The following SGCZ variants were observed in gnomAD, a reference collection of about 807,000 sequenced individuals.
The protein encoded by SGCZ is sarcoglycan zeta.
SGCZ carries 40 observed loss-of-function variants against 41.3 expected under a neutral mutation model. That is an observed-to-expected ratio of 0.97 (90% CI 0.75 to 1.26). The LOEUF (loss-of-function observed/expected upper bound fraction) is 1.26. SGCZ is among the 50% of genes most tolerant of loss of function. The probability of loss-of-function intolerance (pLI) is 0.00; values close to 1 mark genes in which losing one functional copy is unlikely to be tolerated. For synonymous variants in SGCZ, 206 were observed against 137.5 expected (o/e 1.50, Z -3.49); for missense variants, 552 against 369.8 (o/e 1.49, Z -4.04).
chr8:14,411,601 G>A (rs982210331), intron 2 of SGCZ, among the ~76,000 whole-genome samples: 1 of 152,040 alleles, frequency 6.6e-6, no homozygotes, highest in African/African-American at 2.4e-5. Flanking sequence ...GGCTTTCTGA[G>A]GGTATGAGCC....
intron 1 of SGCZ, among the ~76,000 whole-genome samples, chr8:14,638,023 GT>G (rs113661384): frequency 2.4e-4 from 37 of 151,850 alleles, no homozygotes; most frequent in African/African-American, 8.4e-4. Flanking sequence ...CTAGTCTGAG[GT>G]TATATTTCAT....
At chr8:14,547,076 C>G (rs376060934) in intron 2 of SGCZ, among the ~76,000 whole-genome samples, 9 of 152,070 alleles carry the variant, frequency 5.9e-5, no homozygotes, top group African/African-American at 2.2e-4. Flanking sequence ...ACTTTCCTCT[C>G]ATATTTAAAT....
intron 2 of SGCZ, among the ~76,000 whole-genome samples, chr8:14,451,436 T>G (rs1177569254): frequency 2.6e-5 from 4 of 152,188 alleles, no homozygotes; most frequent in African/African-American, 2.4e-5. Flanking sequence ...GGTCTCCTTA[T>G]AGTTTACATT....
At chr8:14,605,118 G>T (rs1005480364) in intron 1 of SGCZ, among the ~76,000 whole-genome samples, 2 of 152,038 alleles carry the variant, frequency 1.3e-5, no homozygotes, top group African/African-American at 4.8e-5. Context: ...TTGTTAAAAG[G>T]GTTCAGCAGA....
intron 1 of SGCZ, among the ~76,000 whole-genome samples, chr8:14,629,352 GTAAAATACATTATCTAAATA>G (rs1806569960): frequency 3.1e-5 from 2 of 65,062 alleles, no homozygotes; most frequent in Non-Finnish European, 6.9e-5. Flanking sequence ...TAAGATTAAT[GTAAAATACATTATCTAAATA>G]ATGTAAAAAT....
intron 2 of SGCZ, among the ~76,000 whole-genome samples, chr8:14,541,611 T>C (rs1156342828): frequency 6.6e-6 from 1 of 152,174 alleles, no homozygotes; most frequent in Non-Finnish European, 1.5e-5. Context: ...TGTGTCTTTA[T>C]AGTAGAATAA....
chr8:14,152,092 T>A (rs1348797716), intron 5 of SGCZ, among the ~76,000 whole-genome samples: 1 of 152,042 alleles, frequency 6.6e-6, no homozygotes, highest in Non-Finnish European at 1.5e-5. Flanking sequence ...ATCTCAAAAA[T>A]ATTAAAAATT....
At chr8:15,177,830 C>T (rs939431401) in intron 1 of SGCZ, among the ~76,000 whole-genome samples, 1 of 152,146 alleles carries the variant, frequency 6.6e-6, no homozygotes, top group East Asian at 1.9e-4. Flanking sequence ...CTTTCATGGG[C>T]GCCTCTGTCC....
At chr8:14,819,202 G>A (rs1266754736) in intron 1 of SGCZ, among the ~76,000 whole-genome samples, 2 of 151,882 alleles carry the variant, frequency 1.3e-5, no homozygotes, top group Non-Finnish European at 2.9e-5. Context: ...TCACATATAA[G>A]GGAACTCCCA....
At chr8:14,938,533 A>G (rs1439972285) in intron 1 of SGCZ, among the ~76,000 whole-genome samples, 1 of 152,226 alleles carries the variant, frequency 6.6e-6, no homozygotes, top group Non-Finnish European at 1.5e-5. Context: ...TTATAAGAAC[A>G]CAGTATATAA....
chr8:14,336,832 C>A (rs1802521888), intron 2 of SGCZ, among the ~76,000 whole-genome samples: 1 of 152,102 alleles, frequency 6.6e-6, no homozygotes, highest in Non-Finnish European at 1.5e-5. Flanking sequence ...GTGCTCCTTA[C>A]CTCAAAGAAT....
intron 4 of SGCZ, among the ~76,000 whole-genome samples, chr8:14,226,026 A>T (rs1806360826): frequency 6.6e-6 from 1 of 152,056 alleles, no homozygotes; most frequent in Non-Finnish European, 1.5e-5. Flanking sequence ...GGACGATGGT[A>T]TAAGTGATAT....
At chr8:14,519,267 A>C (rs1009616610) in intron 2 of SGCZ, among the ~76,000 whole-genome samples, 1 of 152,080 alleles carries the variant, frequency 6.6e-6, no homozygotes, top group Admixed American at 6.6e-5. Flanking sequence ...AACTACAGTT[A>C]TGTGCAGTAT....
chr8:14,375,394 A>G (rs1804080469), intron 2 of SGCZ, among the ~76,000 whole-genome samples: 3 of 152,178 alleles, frequency 2.0e-5, no homozygotes, highest in Admixed American at 6.5e-5. Context: ...GAGAATAAAG[A>G]AGGCCTAAAT....
At chr8:14,295,937 G>A (rs548753293) in intron 3 of SGCZ, among the ~76,000 whole-genome samples, 33 of 152,270 alleles carry the variant, frequency 2.2e-4, no homozygotes, top group African/African-American at 7.9e-4. Flanking sequence ...CACATGCACA[G>A]GGCCAGTGCT....
rs1214314113 is a variant in SGCZ, at chr8:14,113,117, G to A, written c.548-4882C>T. Among the ~76,000 whole-genome samples, 4 of 152,134 alleles carry A rather than the reference G, an allele frequency of 2.6e-5. No homozygotes were observed. In the East Asian group the frequency reaches 7.7e-4, roughly 29 times the overall value. On this transcript the variant is annotated intron_variant, in intron 5 of 7. Transcript: ENST00000382080. ...CACCACAAAATACAACCTATACATT[G>A]CTGGAGTGATTTTATCAAAACCATT...
chr8:14,523,616 T>A (rs1172137308), intron 2 of SGCZ, among the ~76,000 whole-genome samples: 1 of 152,102 alleles, frequency 6.6e-6, no homozygotes, highest in Non-Finnish European at 1.5e-5. Flanking sequence ...GTTTTTACTT[T>A]CTAGAAGCTT....
chr8:14,790,904 A>C (rs557962252), intron 1 of SGCZ, among the ~76,000 whole-genome samples: 1 of 151,934 alleles, frequency 6.6e-6, no homozygotes, highest in East Asian at 2.0e-4. Context: ...GGTGGTGCGC[A>C]TCTGTAATCC....
chr8:14,247,421 T>A lies in SGCZ; in HGVS notation c.337-9742A>T, dbSNP rs181879089. ...GCAGTTTTACACATGACAGTCCATT[T>A]ACAGGGAATCTGGGGTAATCTATCA... On this transcript the variant is annotated intron_variant, in intron 3 of 7. Transcript: ENST00000382080. Among the ~76,000 whole-genome samples the A allele has an allele frequency of 1.1e-4, 17 of 152,308 alleles. No homozygotes were observed. The East Asian group carries it at 3.3e-3, about 29-fold the overall frequency.
Sources: gnomAD v4.1 joint callset for allele counts (sites outside exome capture counted in the v4.1 genomes callset) on GRCh38, gnomAD v4.1.1 for gene constraint, MANE v1.5 for transcripts, NCBI Gene and HGNC (gene_info 2026-07-23, HGNC 2026-07-21) for gene names.